The following ME1 variants were observed in gnomAD, a reference collection of about 807,000 sequenced individuals.
ME1 encodes malic enzyme 1, also known as NADP-dependent malic enzyme.
Under a neutral mutation model 66.4 loss-of-function variants are expected in ME1, and 74 were observed. The ratio of observed to expected loss-of-function variants is 1.11; its 90% CI spans 0.92 to 1.35. ME1 has a LOEUF of 1.35. Ranked by LOEUF, ME1 falls within the 40% of genes most tolerant of loss-of-function variation. The probability of loss-of-function intolerance (pLI) is 0.00; values close to 1 mark genes in which losing one functional copy is unlikely to be tolerated. For synonymous variants in ME1, 251 were observed against 235.6 expected (o/e 1.07, Z -0.60); for missense variants, 750 against 694.1 (o/e 1.08, Z -0.90).
chr6:83,301,319 TCTCTCTC>T (rs1767715159), intron 6 of ME1, among the ~76,000 whole-genome samples: 1 of 115,908 alleles, frequency 8.6e-6, no homozygotes, highest in African/African-American at 4.2e-5. Flanking sequence ...TTTCTTTCTC[TCTCTCTC>T]TCTCTCTCTC....
chr6:83,370,398 A>C (rs1487499670), intron 3 of ME1, among the ~76,000 whole-genome samples: 2 of 152,160 alleles, frequency 1.3e-5, no homozygotes, highest in African/African-American at 4.8e-5. Context: ...GAAGGTGGCA[A>C]AGGTACCATA....
chr6:83,288,494 G>A (rs1408282853), intron 6 of ME1, among the ~76,000 whole-genome samples: 1 of 152,026 alleles, frequency 6.6e-6, no homozygotes, highest in Non-Finnish European at 1.5e-5. Context: ...TGAGGCCTCC[G>A]TTCTGTTCCA....
chr6:83,430,959 G>T lies in ME1; in HGVS notation c.-5C>A. 1.9e-6 allele frequency: 3 copies of T among 1,558,246 alleles called. No homozygotes were observed. The South Asian group carries it at 3.5e-5, about 18-fold the overall frequency. ...ACGGGGGGCTTCGGGCTCCATGGCT[G>T]GCGCCGGGTTCGGCGGCGGGGTCAG... On this transcript the variant is annotated 5_prime_UTR_variant, in exon 1 of 14. Transcript: ENST00000369705.
chr6:83,245,203 G>A (rs1322275435), intron 7 of ME1, among the ~76,000 whole-genome samples: 1 of 152,050 alleles, frequency 6.6e-6, no homozygotes, highest in Non-Finnish European at 1.5e-5. Flanking sequence ...GTTTTTAAGG[G>A]AAGAAAGACA....
intron 3 of ME1, among the ~76,000 whole-genome samples, chr6:83,388,536 T>G (rs914677816): frequency 6.6e-6 from 1 of 152,202 alleles, no homozygotes; most frequent in Non-Finnish European, 1.5e-5. Flanking sequence ...GTGCCAAGAA[T>G]TAGGCTATGT....
intron 3 of ME1, among the ~76,000 whole-genome samples, chr6:83,396,915 G>A (rs1353792284): frequency 3.9e-5 from 6 of 151,996 alleles, no homozygotes; most frequent in Non-Finnish European, 5.9e-5. Context: ...AAATGGTGAC[G>A]GGAAAACTGG....
chr6:83,418,102 G>A (rs1770196103), intron 1 of ME1, among the ~76,000 whole-genome samples: 1 of 152,228 alleles, frequency 6.6e-6, no homozygotes, highest in Non-Finnish European at 1.5e-5. Flanking sequence ...CAGATCCACT[G>A]TGGAGATTTG....
At chr6:83,266,115 C>A (rs929496372) in intron 6 of ME1, among the ~76,000 whole-genome samples, 4 of 152,086 alleles carry the variant, frequency 2.6e-5, no homozygotes, top group Admixed American at 1.3e-4. Flanking sequence ...CATTGTACAG[C>A]GTTCCAGAAT....
At chr6:83,279,856 GAGA>G (rs1412837170) in intron 6 of ME1, among the ~76,000 whole-genome samples, 3 of 152,122 alleles carry the variant, frequency 2.0e-5, no homozygotes, top group Non-Finnish European at 4.4e-5. Context: ...GAAAATTAAA[GAGA>G]AGAAGAAAAT....
At chr6:83,361,960 C>T (rs1562490477) in intron 3 of ME1, among the ~76,000 whole-genome samples, 1 of 152,132 alleles carries the variant, frequency 6.6e-6, no homozygotes, top group Non-Finnish European at 1.5e-5. Context: ...CAGCCTGCAC[C>T]GATGGCCTCA....
chr6:83,298,005 T>A lies in ME1; in HGVS notation c.704+17305A>T, dbSNP rs112590319. Among the ~76,000 whole-genome samples the A allele has an allele frequency of 5.9e-3, 902 of 152,372 alleles. 24 individuals carry two copies. In the East Asian group the frequency reaches 0.06, roughly 10 times the overall value. On this transcript the variant is annotated intron_variant, in intron 6 of 13. Coordinates refer to ENST00000369705, the MANE Select transcript of ME1 (RefSeq NM_002395.6). Reference sequence around the variant, plus strand: ...GATTCACTACCTTTGCTATTGTGAATAGTGCTGCAATGAACATACGCTTGC... The same window carrying A: ...GATTCACTACCTTTGCTATTGTGAAAAGTGCTGCAATGAACATACGCTTGC...
chr6:83,393,831 A>C (rs1290403508), intron 3 of ME1, among the ~76,000 whole-genome samples: 1 of 152,118 alleles, frequency 6.6e-6, no homozygotes, highest in East Asian at 1.9e-4. Flanking sequence ...TTTATAATAC[A>C]TTACCCAGAG....
At chr6:83,382,840 A>G (rs959838098) in intron 3 of ME1, among the ~76,000 whole-genome samples, 1 of 150,520 alleles carries the variant, frequency 6.6e-6, no homozygotes, top group South Asian at 2.1e-4. Context: ...TCATGTGTCA[A>G]CCTAGCTAGG....
intron 5 of ME1, among the ~76,000 whole-genome samples, chr6:83,331,166 T>G (rs1305537861): frequency 6.6e-6 from 1 of 152,110 alleles, no homozygotes; most frequent in Non-Finnish European, 1.5e-5. Flanking sequence ...TGCCCCCAAA[T>G]TCATATGTTG....
intron 7 of ME1, among the ~76,000 whole-genome samples, chr6:83,244,292 T>G (rs571851816): frequency 6.6e-6 from 1 of 152,130 alleles, no homozygotes; most frequent in South Asian, 2.1e-4. Flanking sequence ...ACTACCTCCA[T>G]CTGCATGCCC....
intron 6 of ME1, among the ~76,000 whole-genome samples, chr6:83,293,516 C>T (rs1000008415): frequency 6.6e-5 from 10 of 152,100 alleles, no homozygotes; most frequent in African/African-American, 2.4e-4. Flanking sequence ...AATAATATTA[C>T]AATTTTCCAC....
At chr6:83,427,857 T>G (rs947175701) in intron 1 of ME1, among the ~76,000 whole-genome samples, 3 of 151,842 alleles carry the variant, frequency 2.0e-5, no homozygotes, top group Non-Finnish European at 4.4e-5. Flanking sequence ...TATTAAAATA[T>G]AGAAATTAGC....
chr6:83,341,897 T>C (rs1250530384), intron 5 of ME1, among the ~76,000 whole-genome samples: 5 of 152,174 alleles, frequency 3.3e-5, no homozygotes, highest in Non-Finnish European at 5.9e-5. Context: ...GACGTTTGCA[T>C]AGGAGTGTAA....
chr6:83,286,682 T>C (rs1269708275), intron 6 of ME1, among the ~76,000 whole-genome samples: 2 of 152,174 alleles, frequency 1.3e-5, no homozygotes, highest in Non-Finnish European at 2.9e-5. Flanking sequence ...CTTTTGCATT[T>C]ATAACATTTA....
Sources: gnomAD v4.1 joint callset for allele counts (sites outside exome capture counted in the v4.1 genomes callset) on GRCh38, gnomAD v4.1.1 for gene constraint, MANE v1.5 for transcripts, NCBI Gene and HGNC (gene_info 2026-07-23, HGNC 2026-07-21) for gene names.